Variants in DLC1 observed in about 807,000 individuals in gnomAD.
The protein encoded by DLC1 is DLC1 Rho GTPase activating protein.
DLC1 carries 54 observed loss-of-function variants against 140.3 expected under a neutral mutation model. The observed-to-expected ratio is 0.38, with a 90% confidence interval of 0.31 to 0.48. DLC1 has a LOEUF of 0.48. DLC1 is among the 20% of genes least tolerant of loss of function. DLC1 has a pLI of 0.96. For synonymous variants in DLC1, 986 were observed against 728.1 expected, an observed-to-expected ratio of 1.35 and a Z score of -5.70; for missense variants, 2,536 against 1,907.0, an observed-to-expected ratio of 1.33 and a Z score of -6.14.
chr8:13,143,405 T>A (rs1378006268), intron 5 of DLC1, among the ~76,000 whole-genome samples: 1 of 152,160 alleles, frequency 6.6e-6, no homozygotes, highest in Non-Finnish European at 1.5e-5. Context: ...AAATATGACA[T>A]ATGTGATTTT....
chr8:13,582,644 C>A (rs141588903), intron 1 of DLC1, among the ~76,000 whole-genome samples: 1 of 151,746 alleles, frequency 6.6e-6, no homozygotes, highest in East Asian at 2.0e-4. Flanking sequence ...CGGCCTATTG[C>A]GGGATCTTGT....
At chr8:13,186,766 G>C (rs113949555) in intron 5 of DLC1, among the ~76,000 whole-genome samples, 15,045 of 152,212 alleles carry the variant, frequency 0.099, 813 homozygotes, top group South Asian at 0.16. Context: ...TTCTGCTCTG[G>C]TTTCTTCCCA....
intron 1 of DLC1, among the ~76,000 whole-genome samples, chr8:13,596,887 A>C (rs987452154): frequency 6.6e-6 from 1 of 151,932 alleles, no homozygotes; most frequent in Non-Finnish European, 1.5e-5. Flanking sequence ...GAATCATACA[A>C]TTGTTCTATA....
chr8:13,412,353 A>T (rs1207695978), intron 2 of DLC1, among the ~76,000 whole-genome samples: 1 of 152,192 alleles, frequency 6.6e-6, no homozygotes, highest in East Asian at 1.9e-4. Context: ...TCTCTATCGA[A>T]ATTTAAAGTA....
intron 2 of DLC1, among the ~76,000 whole-genome samples, chr8:13,459,230 G>A (rs932244100): frequency 6.6e-6 from 1 of 152,070 alleles, no homozygotes; most frequent in African/African-American, 2.4e-5. Context: ...GAAGTTCTGT[G>A]TTTTTCTGAT....
intron 5 of DLC1, among the ~76,000 whole-genome samples, chr8:13,261,245 G>A (rs1830456724): frequency 1.3e-5 from 2 of 152,150 alleles, no homozygotes; most frequent in South Asian, 2.1e-4. Flanking sequence ...TTTCAGCAGA[G>A]ACCTGGACAA....
intron 2 of DLC1, among the ~76,000 whole-genome samples, chr8:13,449,918 C>T (rs1301175819): frequency 1.3e-5 from 2 of 151,748 alleles, no homozygotes; most frequent in African/African-American, 4.8e-5. Context: ...CAGTGGGGTT[C>T]TTATCTAATT....
Position 13,103,553 on chromosome 8 carries a change from T to C in DLC1, c.1503-700A>G, listed in dbSNP as rs935814684. On this transcript the variant is annotated intron_variant, in intron 7 of 17. Coordinates refer to ENST00000276297, the MANE Select transcript of DLC1 (RefSeq NM_182643.3). The stretch of plus-strand genomic sequence containing the variant: ...GCACATGGAGCCAAGAAAGAAAAGT[T>C]TGTGACTCGGCACGGTGGCTCATGC... 1.3e-5 allele frequency among the ~76,000 whole-genome samples: 2 copies of C among 151,042 alleles called. 1 individual carries two copies. Among genetic ancestry groups the C allele is most frequent in the South Asian group, 4.2e-4 (2 of 4,772 alleles).
intron 6 of DLC1, among the ~76,000 whole-genome samples, chr8:13,114,236 C>T (rs1462988837): frequency 1.3e-5 from 2 of 152,190 alleles, no homozygotes; most frequent in Non-Finnish European, 2.9e-5. Flanking sequence ...GTGGCACATG[C>T]CCATAATCCC....
intron 5 of DLC1, among the ~76,000 whole-genome samples, chr8:13,185,987 C>T (rs1181549595): frequency 6.6e-6 from 1 of 152,210 alleles, no homozygotes; most frequent in African/African-American, 2.4e-5. Flanking sequence ...CCACTCTCTT[C>T]TGGCTTGTAG....
At chr8:13,136,302 AAC>A (rs1312455638) in intron 5 of DLC1, among the ~76,000 whole-genome samples, 1 of 152,130 alleles carries the variant, frequency 6.6e-6, no homozygotes, top group Non-Finnish European at 1.5e-5. Flanking sequence ...CATAGTACCT[AAC>A]AGTTTTTCAA....
intron 1 of DLC1, among the ~76,000 whole-genome samples, chr8:13,554,264 G>T (rs567447615): frequency 6.6e-6 from 1 of 152,124 alleles, no homozygotes; most frequent in East Asian, 1.9e-4. Context: ...ATGGGGTTTC[G>T]CCCTGTTGGC....
chr8:13,539,142 T>C (rs1484188735), intron 1 of DLC1, among the ~76,000 whole-genome samples: 1 of 152,162 alleles, frequency 6.6e-6, no homozygotes, highest in Non-Finnish European at 1.5e-5. Context: ...TGGCAATATT[T>C]AATTCTGCTT....
At chr8:13,580,476 G>C (rs1274335967) in intron 1 of DLC1, among the ~76,000 whole-genome samples, 1 of 152,152 alleles carries the variant, frequency 6.6e-6, no homozygotes, top group African/African-American at 2.4e-5. Context: ...GAAAGCACAA[G>C]CTTGCCAGAA....
At chr8:13,378,069 C>CT (rs550051300) in intron 4 of DLC1, among the ~76,000 whole-genome samples, 21 of 146,702 alleles carry the variant, frequency 1.4e-4, no homozygotes, top group East Asian at 2.0e-4. Context: ...GGACATTATC[C>CT]TTTTTTTTAA....
chr8:13,603,452 C>G (rs1188619217), intron 1 of DLC1, among the ~76,000 whole-genome samples: 1 of 151,720 alleles, frequency 6.6e-6, no homozygotes, highest in African/African-American at 2.4e-5. Context: ...CTTGAATCAA[C>G]AGAAATGTAA....
At chr8:13,125,936 T>A (rs560503578) in intron 5 of DLC1, among the ~76,000 whole-genome samples, 2 of 152,142 alleles carry the variant, frequency 1.3e-5, no homozygotes, top group African/African-American at 2.4e-5. Context: ...ATACCTGGGG[T>A]GAAGCCCTGC....
intron 3 of DLC1, among the ~76,000 whole-genome samples, chr8:13,396,261 G>A (rs12679709): frequency 2.0e-5 from 3 of 151,490 alleles, no homozygotes; most frequent in South Asian, 4.2e-4. Flanking sequence ...GGGTTTCATC[G>A]TATTAGCCAG....
At chr8:13,212,565 A>T (rs1021838830) in intron 5 of DLC1, among the ~76,000 whole-genome samples, 2 of 152,132 alleles carry the variant, frequency 1.3e-5, no homozygotes, top group African/African-American at 4.8e-5. Context: ...TATGCAACAT[A>T]AAATTGATTT....
Sources: gnomAD v4.1 joint callset for allele counts (sites outside exome capture counted in the v4.1 genomes callset) on GRCh38, gnomAD v4.1.1 for gene constraint, MANE v1.5 for transcripts, NCBI Gene and HGNC (gene_info 2026-07-23, HGNC 2026-07-21) for gene names.